SPON1: variants seen among roughly 807,000 people sequenced by gnomAD.
SPON1 encodes spondin 1.
A neutral mutation model predicts 111.7 loss-of-function variants in SPON1; 52 were observed. That is an observed-to-expected ratio of 0.47 (90% CI 0.37 to 0.59). SPON1 has a LOEUF of 0.59. Among genes scored for constraint, SPON1 ranks in the 20% least tolerant of loss-of-function variants. The probability of loss-of-function intolerance (pLI) is 0.00; values close to 1 mark genes in which losing one functional copy is unlikely to be tolerated. For missense variants in SPON1, 957 were observed against 1,068.5 expected (o/e 0.90, Z 1.46); for synonymous variants, 410 against 395.8 (o/e 1.04, Z -0.43).
chr11:14,184,685 C>A (rs1848267876), intron 6 of SPON1, among the ~76,000 whole-genome samples: 1 of 152,190 alleles, frequency 6.6e-6, no homozygotes, highest in South Asian at 2.1e-4. Context: ...TTCCCCATAA[C>A]TACTGTGATT....
chr11:14,026,755 CCTT>C (rs1428925224), intron 2 of SPON1, among the ~76,000 whole-genome samples: 3 of 152,100 alleles, frequency 2.0e-5, no homozygotes, highest in African/African-American at 7.2e-5. Context: ...GTTGGAGAGT[CCTT>C]CTCTTCTATG....
chr11:14,226,283 C>G (rs957842907), intron 6 of SPON1, among the ~76,000 whole-genome samples: 2 of 152,218 alleles, frequency 1.3e-5, no homozygotes, highest in Admixed American at 6.5e-5. Flanking sequence ...ACAGATGCCT[C>G]TTTACCCACC....
intron 2 of SPON1, among the ~76,000 whole-genome samples, chr11:13,993,574 AG>A (rs1434245563): frequency 2.0e-5 from 3 of 152,092 alleles, no homozygotes; most frequent in African/African-American, 4.8e-5. Flanking sequence ...TCGTCTTATC[AG>A]GCACTTCATT....
At chr11:14,236,148 G>A (rs1188989983) in intron 6 of SPON1, among the ~76,000 whole-genome samples, 1 of 152,156 alleles carries the variant, frequency 6.6e-6, no homozygotes, top group Non-Finnish European at 1.5e-5. Context: ...CAAGAGTCTG[G>A]AGGAAGGGAG....
intron 2 of SPON1, among the ~76,000 whole-genome samples, chr11:14,030,607 C>G (rs953085907): frequency 5.9e-5 from 9 of 152,020 alleles, no homozygotes; most frequent in African/African-American, 2.2e-4. Context: ...GATGCTAATG[C>G]AAAAAGGGAT....
At chr11:14,114,094 A>G (rs1456451008) in intron 5 of SPON1, among the ~76,000 whole-genome samples, 3 of 152,212 alleles carry the variant, frequency 2.0e-5, no homozygotes, top group African/African-American at 2.4e-5. Flanking sequence ...ATATTTTTAA[A>G]TATACAATTA....
intron 1 of SPON1, among the ~76,000 whole-genome samples, chr11:13,974,891 C>A (rs2133776565): frequency 6.6e-6 from 1 of 152,314 alleles, no homozygotes; most frequent in Middle Eastern, 3.4e-3. Context: ...CCCTTCCTCC[C>A]AGAATGCAAC....
intron 6 of SPON1, among the ~76,000 whole-genome samples, chr11:14,231,545 A>G (rs1178280324): frequency 6.6e-6 from 1 of 152,216 alleles, no homozygotes; most frequent in Non-Finnish European, 1.5e-5. Context: ...CTGGTTACCT[A>G]GTTCCCTTCT....
In SPON1 at chr11:14,069,255, G is replaced by A. The variant is rs142786629; in HGVS notation, c.480-6090G>A. 2.8e-3 allele frequency among the ~76,000 whole-genome samples: 428 copies of A among 152,136 alleles called. 2 individuals are homozygous for A. Among genetic ancestry groups the A allele is most frequent in the Middle Eastern group, 6.8e-3 (2 of 294 alleles). ...GATAGTAATGCCTACCTCTTGGTTGGGGGGATTAAATGAGTTAATATTTGT... is the reference window on the plus strand; with the variant it reads ...GATAGTAATGCCTACCTCTTGGTTGAGGGGATTAAATGAGTTAATATTTGT... On this transcript the variant is annotated intron_variant, in intron 3 of 15. Transcript: ENST00000576479.
At chr11:14,127,302 G>A (rs201683771) in intron 5 of SPON1, among the ~76,000 whole-genome samples, 75 of 137,004 alleles carry the variant, frequency 5.5e-4, no homozygotes, top group East Asian at 1.3e-3. Flanking sequence ...TCTGACCTCC[G>A]AAAAAAAAAA....
chr11:14,106,547 C>T (rs1355311276), intron 5 of SPON1, among the ~76,000 whole-genome samples: 1 of 152,216 alleles, frequency 6.6e-6, no homozygotes, highest in Non-Finnish European at 1.5e-5. Flanking sequence ...ACAGTCCTGG[C>T]ATACATCCCT....
chr11:14,212,820 G>A (rs1465455123), intron 6 of SPON1, among the ~76,000 whole-genome samples: 1 of 152,146 alleles, frequency 6.6e-6, no homozygotes, highest in Non-Finnish European at 1.5e-5. Flanking sequence ...AAGCAATGGG[G>A]AGCCACTGAA....
At chr11:14,188,959 A>C (rs1848314873) in intron 6 of SPON1, among the ~76,000 whole-genome samples, 1 of 152,246 alleles carries the variant, frequency 6.6e-6, no homozygotes, top group Non-Finnish European at 1.5e-5. Context: ...TTGAAAGAAA[A>C]GTGATTGGGT....
In SPON1 at chr11:14,235,678, C is replaced by CAAAAAAAA. The variant is rs56925967; in HGVS notation, c.826-7632_826-7625dup. Among the ~76,000 whole-genome samples, 21 of 71,390 alleles carry CAAAAAAAA rather than the reference C, an allele frequency of 2.9e-4. 1 individual carries two copies. The highest frequency in any genetic ancestry group is 1.1e-3 in the African/African-American group (20 of 17,966). 46.8% of individuals were successfully genotyped at this position (71,390 alleles called of 152,430 possible). Reference sequence around the variant, plus strand: ...TAGGCAACAGAGAAAGACCCTGCCTCAAAAAAAAAAAAAAAAAAAAAAAAA... The same window carrying CAAAAAAAA: ...TAGGCAACAGAGAAAGACCCTGCCTCAAAAAAAAAAAAAAAAAAAAAAAAAAAAAAAAA... On this transcript the variant is annotated intron_variant, in intron 6 of 15. Transcript: ENST00000576479.
At chr11:14,003,756 T>C (rs1268655213) in intron 2 of SPON1, among the ~76,000 whole-genome samples, 1 of 152,150 alleles carries the variant, frequency 6.6e-6, no homozygotes, top group Non-Finnish European at 1.5e-5. Context: ...TGCAGTGAAG[T>C]AGGTTAACAT....
intron 5 of SPON1, among the ~76,000 whole-genome samples, chr11:14,104,499 G>C (rs1362331548): frequency 2.0e-5 from 3 of 151,746 alleles, no homozygotes; most frequent in Non-Finnish European, 4.4e-5. Flanking sequence ...TGGTATCTTT[G>C]ATTCTCTTTT....
intron 9 of SPON1, among the ~76,000 whole-genome samples, chr11:14,256,394 G>A (rs989676760): frequency 5.3e-5 from 8 of 152,242 alleles, no homozygotes; most frequent in African/African-American, 1.7e-4. Context: ...CCAGGAACTG[G>A]GGAGTGGTGG....
Position 14,259,634 on chromosome 11 carries a change from C to T in SPON1, c.1764C>T (p.Asn588=), listed in dbSNP as rs1554941706. The T allele has an allele frequency of 3.8e-6, 6 of 1,563,990 alleles. No homozygotes were observed. Among genetic ancestry groups the T allele is most frequent in the African/African-American group, 2.7e-5 (2 of 73,626 alleles). ...MKKRHRMIKM[N]PADGSMCKAE... is the part of the protein sequence containing the mutation. ...AGCGGCACCGCATGATCAAGATGAA[C>T]CCCGCAGATGGCTCCATGTGCAAAG... is the stretch of plus-strand genomic sequence containing the variant. The change falls in exon 13 of 16, where the codon AAC becomes AAT. Residue 588 remains asparagine (N), a synonymous_variant. Transcript: ENST00000576479. The surrounding 1 kb of genome is among the most constrained non-coding windows in gnomAD (Gnocchi z 5.0).
chr11:14,158,732 T>G (rs547908477), intron 6 of SPON1, among the ~76,000 whole-genome samples: 1 of 152,328 alleles, frequency 6.6e-6, no homozygotes, highest in South Asian at 2.1e-4. Flanking sequence ...TTGTTTTGTT[T>G]TATTCATTTT....
Sources: allele counts gnomAD v4.1 joint callset (sites outside exome capture counted in the v4.1 genomes callset), GRCh38; gene constraint gnomAD v4.1.1; non-coding constraint Gnocchi (gnomAD v3.1); transcripts MANE v1.5; gene names NCBI Gene and HGNC (gene_info 2026-07-23, HGNC 2026-07-21).